The following DHRS9 variants were observed in gnomAD, a reference collection of about 807,000 sequenced individuals.
The protein encoded by DHRS9 is dehydrogenase/reductase SDR family member 9.
DHRS9 carries 18 observed loss-of-function variants against 26.6 expected under a neutral mutation model. The observed-to-expected ratio is 0.68, with a 90% CI of 0.47 to 1.00. DHRS9 has a LOEUF of 1.00. Ranked by LOEUF, DHRS9 falls within the 50% of genes least tolerant of loss-of-function variation. The probability of loss-of-function intolerance (pLI) is 0.00; values close to 1 mark genes in which losing one functional copy is unlikely to be tolerated. For missense variants in DHRS9, 425 were observed against 378.7 expected (o/e 1.12, Z -1.01); for synonymous variants, 134 against 141.1 (o/e 0.95, Z 0.36).
intron 3 of DHRS9, 85 bp downstream of exon 3, chr2:169,083,672 C>T: frequency 1.4e-6 from 2 of 1,468,768 alleles, no homozygotes; most frequent in South Asian, 2.6e-5. Context: ...TATTTAGTAC[C>T]TTTCAAAAAG....
intron 1 of DHRS9, among the ~76,000 whole-genome samples, chr2:169,078,934 GCCTGAT>G (rs1168425043): frequency 0.089 from 2,454 of 27,644 alleles, 69 homozygotes; most frequent in African/African-American, 0.43. Context: ...CGATTCTCCT[GCCTGAT>G]TCTCCTGCCT....
At chr2:169,073,060 A>G (rs907003912) in intron 1 of DHRS9, among the ~76,000 whole-genome samples, 1 of 152,246 alleles carries the variant, frequency 6.6e-6, no homozygotes, top group African/African-American at 2.4e-5. Context: ...AGATTAATCC[A>G]ATTATCACTA....
At chr2:169,093,947 T>TCAGAGGG (rs1684615170) in intron 4 of DHRS9, among the ~76,000 whole-genome samples, 2 of 152,140 alleles carry the variant, frequency 1.3e-5, no homozygotes. Context: ...ACAGCTCAGG[T>TCAGAGGG]ATGGTTTAAA....
chr2:169,084,438 C>G (rs945220524), intron 3 of DHRS9, among the ~76,000 whole-genome samples: 2 of 152,132 alleles, frequency 1.3e-5, no homozygotes, highest in Non-Finnish European at 1.5e-5. Context: ...AGTGGTTGTA[C>G]TAATTTACAT....
At position 169,072,248 on chromosome 2, in the gene DHRS9, C is replaced by T. The variant is rs78990044; in HGVS notation, c.-60+2531C>T. On this transcript the variant is annotated intron_variant, in intron 1 of 4. Coordinates refer to ENST00000674881, the MANE Select transcript of DHRS9 (RefSeq NM_001376924.1). ...TTTCTATTTGATGTATTTTGGTAAA[C>T]AACATAGTTGTTGATTCAACTTGGG... Among the ~76,000 whole-genome samples, 447 of 152,166 alleles carry T rather than the reference C, an allele frequency of 2.9e-3. 1 individual carries two copies. The highest frequency in any genetic ancestry group is 0.01 in the African/African-American group (434 of 41,512).
chr2:169,071,042 C>T (rs536929966), intron 1 of DHRS9, among the ~76,000 whole-genome samples: 173 of 151,270 alleles, frequency 1.1e-3, no homozygotes, highest in Non-Finnish European at 2.0e-3. Context: ...CCAGCCTGGG[C>T]GACAGAGCGA....
intron 1 of DHRS9, among the ~76,000 whole-genome samples, chr2:169,078,202 A>G (rs1333878735): frequency 1.3e-5 from 2 of 152,204 alleles, no homozygotes; most frequent in Non-Finnish European, 2.9e-5. Context: ...TCAAAACGCT[A>G]TTGAGAGGAC....
At chr2:169,075,871 TC>T (rs1683948070) in intron 1 of DHRS9, among the ~76,000 whole-genome samples, 1 of 152,210 alleles carries the variant, frequency 6.6e-6, no homozygotes, top group African/African-American at 2.4e-5. Context: ...GTGATGTGAA[TC>T]CTTATCACTT....
intron 4 of DHRS9, among the ~76,000 whole-genome samples, chr2:169,094,241 A>G (rs1210250944): frequency 1.3e-5 from 2 of 152,152 alleles, no homozygotes; most frequent in Non-Finnish European, 2.9e-5. Context: ...TTTTGAGAAA[A>G]GTCTGTTCAG....
At chr2:169,067,563 A>G (rs186785850), upstream of DHRS9, among the ~76,000 whole-genome samples, 163 of 152,310 alleles carry the variant, frequency 1.1e-3, no homozygotes, top group Non-Finnish European at 4.1e-4. Flanking sequence ...TTAAAATAAA[A>G]TGCACAGTGC....
chr2:169,086,919 C>A (rs767558884), intron 3 of DHRS9, among the ~76,000 whole-genome samples: 17 of 152,170 alleles, frequency 1.1e-4, no homozygotes, highest in Admixed American at 2.0e-4. Flanking sequence ...CACTCCTGAC[C>A]ACCATCATTG....
rs138597068 is a variant in DHRS9, at chr2:169,095,562, G to T, written c.755G>T (p.Gly252Val). ...YIEKSLDKLK[G>V]NKSYVNMDLS... ...TTTTTAGGTCTAGACAAACTGAAAG[G>T]CAATAAATCCTATGTGAACATGGAC... Residue 252 changes from glycine (G) to valine (V), a missense_variant, in exon 5 of 5, where the codon GGC (glycine) becomes GTC (valine). By Grantham distance (109) the Gly-to-Val change is moderately radical. Transcript: ENST00000674881. The T allele has an allele frequency of 3.7e-6, 6 of 1,613,556 alleles. No individual in the cohort carries two copies. The African/African-American group carries it at 6.7e-5, about 18-fold the overall frequency.
At chr2:169,071,950 A>G (rs1465926122) in intron 1 of DHRS9, among the ~76,000 whole-genome samples, 1 of 151,484 alleles carries the variant, frequency 6.6e-6, no homozygotes, top group Non-Finnish European at 1.5e-5. Flanking sequence ...GTTTATGTCA[A>G]TAGGTTCCAG....
rs1178340653 is a variant in DHRS9 at position 169,081,799 on chromosome 2, C to T, written c.218C>T (p.Thr73Ile). 3 of 1,614,116 alleles carry T rather than the reference C, an allele frequency of 1.9e-6. No individual in the cohort carries two copies. Among genetic ancestry groups the T allele is most frequent in the Admixed American group, 3.3e-5 (2 of 60,022 alleles). ...GGATCAACAGCTTTAAAGGCAGAAA[C>T]CTCAGAGAGACTTCGTACTGTGCTT... ...ESGSTALKAETSERLRTVLLD... is the reference protein window; with the variant it reads ...ESGSTALKAEISERLRTVLLD... Residue 73 changes from threonine to isoleucine, a missense_variant, in exon 2 of 5, where the codon ACC (threonine) becomes ATC (isoleucine). Transcript: ENST00000674881.
Position 169,083,601 on chromosome 2 carries a change from A to G in DHRS9, c.572+14A>G. On this transcript the variant is annotated intron_variant, in intron 3 of 4. Transcript: ENST00000674881. ...TGACAGCTTAAGGTAAATCAAATTAATCAACTTATTAGGAAACAATAGCTG... is the reference window on the plus strand; with the variant it reads ...TGACAGCTTAAGGTAAATCAAATTAGTCAACTTATTAGGAAACAATAGCTG... 6.2e-7 allele frequency: 1 copy of G among 1,611,626 alleles called. No individual in the cohort carries two copies. Among genetic ancestry groups the G allele is most frequent in the Admixed American group, 1.7e-5 (1 of 59,928 alleles).
chr2:169,081,867 T>G lies in DHRS9; in HGVS notation c.286T>G (p.Trp96Gly), dbSNP rs754801927. ...DPENVKRTAQ[W>G]VKNQVGEKGL... The stretch of plus-strand genomic sequence containing the variant: ...AGAGAATGTCAAGAGGACTGCCCAG[T>G]GGGTGAAGAACCAAGTTGGGGAGAA... The change falls in exon 2 of 5, where the codon TGG (tryptophan) becomes GGG (glycine). Residue 96 changes from tryptophan to glycine, a missense_variant. By Grantham distance (184) the Trp-to-Gly change is radical. Transcript: ENST00000674881. 1.2e-6 allele frequency: 2 copies of G among 1,609,696 alleles called. No individual in the cohort carries two copies. The highest frequency in any genetic ancestry group is 8.5e-7 in the Non-Finnish European group (1 of 1,177,412).
rs150858236 is a variant in DHRS9 at position 169,069,616 on chromosome 2, C to T, written c.-161C>T. The T allele has an allele frequency of 5.9e-4, 586 of 985,428 alleles. 2 individuals are homozygous for T. The African/African-American group carries it at 9.4e-3, about 16-fold the overall frequency. The allele number at this position is 985,428 out of a possible 1,614,324, so 61.0% of individuals were successfully genotyped here. ...CTCGACCTCAAGAGGATCAGCCTGG[C>T]CAGGGTGGCACAACTCTTCCTTCCC... On this transcript the variant is annotated 5_prime_UTR_variant, in exon 1 of 5. Transcript: ENST00000674881.
intron 3 of DHRS9, 33 bp from the exon 4 acceptor site, chr2:169,091,757 G>T: frequency 6.4e-7 from 1 of 1,559,886 alleles, no homozygotes; most frequent in Non-Finnish European, 8.7e-7. Context: ...AAACAAACCC[G>T]GATTAAACAT....
At chr2:169,067,554 T>C (rs747001601), upstream of DHRS9, among the ~76,000 whole-genome samples, 1 of 152,134 alleles carries the variant, frequency 6.6e-6, no homozygotes, top group Non-Finnish European at 1.5e-5. Flanking sequence ...CTACAAACAT[T>C]AAAATAAAAT....
Sources: allele counts gnomAD v4.1 joint callset (sites outside exome capture counted in the v4.1 genomes callset), GRCh38; gene constraint gnomAD v4.1.1; transcripts MANE v1.5; gene names NCBI Gene and HGNC (gene_info 2026-07-23, HGNC 2026-07-21).